Variants in WLS observed in about 807,000 individuals in gnomAD.
WLS encodes Wnt ligand secretion mediator.
In WLS, 23 loss-of-function variants were observed where a neutral mutation model predicts 62.8. The ratio of observed to expected loss-of-function variants is 0.37; its 90% CI spans 0.26 to 0.52. The LOEUF (loss-of-function observed/expected upper bound fraction) is 0.52. Among genes scored for constraint, WLS ranks in the 20% least tolerant of loss-of-function variants. WLS has a pLI of 0.92. For synonymous variants in WLS, 246 were observed against 244.1 expected (o/e 1.01, Z -0.07); for missense variants, 615 against 697.3 (o/e 0.88, Z 1.33).
At chr1:68,224,724 T>C (rs933010906) in intron 1 of WLS, among the ~76,000 whole-genome samples, 1 of 152,026 alleles carries the variant, frequency 6.6e-6, no homozygotes, top group Non-Finnish European at 1.5e-5. Context: ...TCAGTAACCA[T>C]GCAGTGATAT....
intron 1 of WLS, among the ~76,000 whole-genome samples, chr1:68,229,072 T>C (rs1348285065): frequency 1.3e-5 from 2 of 152,036 alleles, no homozygotes; most frequent in Admixed American, 6.6e-5. Flanking sequence ...ATTCTCTAAG[T>C]ACTGAAAGAG....
chr1:68,115,419 C>G (rs72668882), intron 11 of WLS, among the ~76,000 whole-genome samples: 5,802 of 152,284 alleles, frequency 0.038, 143 homozygotes, highest in South Asian at 0.047. Flanking sequence ...TCCCTGGGGC[C>G]TAGAGCCAAT....
intron 2 of WLS, chr1:68,162,191 C>G (rs75606676): frequency 7.0e-7 from 1 of 1,433,242 alleles, no homozygotes; most frequent in East Asian, 2.3e-5. Context: ...CTAAAGGGCT[C>G]CGACTCACGC....
At chr1:68,204,026 T>C (rs1649168333) in intron 1 of WLS, among the ~76,000 whole-genome samples, 1 of 152,242 alleles carries the variant, frequency 6.6e-6, no homozygotes, top group African/African-American at 2.4e-5. Context: ...ATTTGTTTTC[T>C]ATTTTCTGAC....
chr1:68,152,100 A>G (rs943601477), intron 5 of WLS, among the ~76,000 whole-genome samples: 5 of 152,212 alleles, frequency 3.3e-5, no homozygotes, highest in Admixed American at 1.3e-4. Context: ...AGTCTGAACA[A>G]CTGAAAGGAT....
At chr1:68,163,810 T>TA (rs1330165061) in intron 2 of WLS, among the ~76,000 whole-genome samples, 3 of 152,140 alleles carry the variant, frequency 2.0e-5, no homozygotes, top group Non-Finnish European at 2.9e-5. Flanking sequence ...CGACAAGGAT[T>TA]AAAAGTCAAG....
intron 5 of WLS, 60 bp from the exon 6 acceptor site, chr1:68,150,416 C>A: frequency 1.3e-6 from 2 of 1,593,380 alleles, no homozygotes; most frequent in South Asian, 1.1e-5. Flanking sequence ...GATTTTCAAA[C>A]AATTCCCCGA....
At chr1:68,111,624 C>T (rs1646229673) in intron 11 of WLS, among the ~76,000 whole-genome samples, 1 of 152,202 alleles carries the variant, frequency 6.6e-6, no homozygotes, top group African/African-American at 2.4e-5. Flanking sequence ...GAAACATCCT[C>T]TCTATAACAG....
At chr1:68,205,524 C>G (rs769531685) in intron 1 of WLS, among the ~76,000 whole-genome samples, 1 of 152,184 alleles carries the variant, frequency 6.6e-6, no homozygotes, top group Non-Finnish European at 1.5e-5. Flanking sequence ...AGTTATTTAC[C>G]TTCTTCCAGC....
At chr1:68,199,308 G>T (rs1648863953) in intron 1 of WLS, among the ~76,000 whole-genome samples, 2 of 152,166 alleles carry the variant, frequency 1.3e-5, no homozygotes, top group Admixed American at 6.5e-5. Context: ...AGTGTGGGAG[G>T]CTGAGAAGTT....
intron 2 of WLS, among the ~76,000 whole-genome samples, chr1:68,177,682 C>T (rs1229620064): frequency 2.0e-5 from 3 of 152,102 alleles, no homozygotes. Flanking sequence ...TTTGTAGAGA[C>T]AGGGTTTCAC....
chr1:68,119,760 G>A (rs1646341260), intron 11 of WLS, among the ~76,000 whole-genome samples: 1 of 152,248 alleles, frequency 6.6e-6, no homozygotes, highest in Non-Finnish European at 1.5e-5. Context: ...GCTTTTAGGA[G>A]GAGCCCAGGC....
intron 2 of WLS, among the ~76,000 whole-genome samples, chr1:68,174,722 C>T (rs922153164): frequency 2.2e-4 from 34 of 152,198 alleles, no homozygotes; most frequent in African/African-American, 8.2e-4. Context: ...GTCACGCTAG[C>T]ACTGTTGCGT....
At chr1:68,158,735 C>A (rs896135069) in intron 3 of WLS, among the ~76,000 whole-genome samples, 3 of 152,164 alleles carry the variant, frequency 2.0e-5, no homozygotes, top group African/African-American at 7.2e-5. Flanking sequence ...AACAGACTCC[C>A]AAGGTAGGTA....
Position 68,191,911 on chromosome 1 carries a change from A to ACACACACC in WLS, c.379+2036_379+2043dup, listed in dbSNP as rs554885336. On this transcript the variant is annotated intron_variant, in intron 2 of 11. Coordinates refer to ENST00000262348, the MANE Select transcript of WLS (RefSeq NM_024911.7). ...TGCCTCTCTACAACTCTCCCCGCCA[A>ACACACACC]CACACACCCACACACCCTACCAGGG... 4.5e-3 allele frequency among the ~76,000 whole-genome samples: 686 copies of ACACACACC among 152,184 alleles called. 4 individuals are homozygous for ACACACACC. The highest frequency in any genetic ancestry group is 0.015 in the African/African-American group (635 of 41,536).
chr1:68,185,572 G>C (rs1435272045), intron 2 of WLS, among the ~76,000 whole-genome samples: 1 of 152,168 alleles, frequency 6.6e-6, no homozygotes, highest in African/African-American at 2.4e-5. Flanking sequence ...CTATTGTGAA[G>C]TATTCATGCA....
chr1:68,101,815 C>A (rs1274880882), intron 11 of WLS, among the ~76,000 whole-genome samples: 1 of 152,180 alleles, frequency 6.6e-6, no homozygotes, highest in African/African-American at 2.4e-5. Context: ...CTTTCTCTTC[C>A]TTTAACAAGG....
intron 1 of WLS, among the ~76,000 whole-genome samples, chr1:68,211,700 C>T (rs544076895): frequency 1.6e-4 from 25 of 152,204 alleles, no homozygotes; most frequent in Non-Finnish European, 2.8e-4. Context: ...TCTTACAGAT[C>T]TCTTCCCCAT....
intron 3 of WLS, among the ~76,000 whole-genome samples, chr1:68,158,871 T>C (rs538626289): frequency 1.3e-5 from 2 of 152,304 alleles, no homozygotes; most frequent in East Asian, 3.9e-4. Flanking sequence ...TGGCTAAAGC[T>C]GGGGCAAGGT....
Sources: gnomAD v4.1 joint callset for allele counts (sites outside exome capture counted in the v4.1 genomes callset) on GRCh38, gnomAD v4.1.1 for gene constraint, MANE v1.5 for transcripts, NCBI Gene and HGNC (gene_info 2026-07-23, HGNC 2026-07-21) for gene names.